The following ANKS1B variants were observed in gnomAD, a reference collection of about 807,000 sequenced individuals.
ANKS1B encodes the protein ankyrin repeat and sterile alpha motif domain-containing protein 1B.
Under a neutral mutation model 148.3 loss-of-function variants are expected in ANKS1B, and 36 were observed. The observed-to-expected ratio is 0.24, with a 90% CI of 0.19 to 0.32. The LOEUF (loss-of-function observed/expected upper bound fraction) is 0.32, where lower values mean the gene tolerates loss of function less well. Ranked by LOEUF, ANKS1B falls within the 10% of genes least tolerant of loss-of-function variation. The pLI, the probability that ANKS1B is intolerant of heterozygous loss-of-function variation, is 1.00. For missense variants in ANKS1B, 1,157 were observed against 1,542.6 expected (o/e 0.75, Z 4.19); for synonymous variants, 542 against 560.8 (o/e 0.97, Z 0.47).
chr12:98,837,833 T>C (rs2099384050), intron 17 of ANKS1B, among the ~76,000 whole-genome samples: 1 of 152,220 alleles, frequency 6.6e-6, no homozygotes, highest in Admixed American at 6.5e-5. Flanking sequence ...AATTTAAACA[T>C]GATGTAAATG....
At chr12:99,251,581 A>G (rs1480728344) in intron 12 of ANKS1B, among the ~76,000 whole-genome samples, 1 of 152,190 alleles carries the variant, frequency 6.6e-6, no homozygotes, top group Non-Finnish European at 1.5e-5. Flanking sequence ...ATAGTTATTC[A>G]AGGCATCATT....
At chr12:99,960,797 C>G (rs1276307808) in intron 1 of ANKS1B, among the ~76,000 whole-genome samples, 1 of 151,976 alleles carries the variant, frequency 6.6e-6, no homozygotes, top group Non-Finnish European at 1.5e-5. Flanking sequence ...AGCCAATAAC[C>G]AGGGAAAAGG....
chr12:99,847,190 C>T (rs1312597008), intron 1 of ANKS1B, among the ~76,000 whole-genome samples: 1 of 151,698 alleles, frequency 6.6e-6, no homozygotes, highest in Non-Finnish European at 1.5e-5. Flanking sequence ...ACTGCATTCT[C>T]AAACTCCTAG....
chr12:98,934,510 A>T (rs2099816654), intron 17 of ANKS1B, among the ~76,000 whole-genome samples: 1 of 152,132 alleles, frequency 6.6e-6, no homozygotes, highest in Admixed American at 6.6e-5. Flanking sequence ...AAAAAATGCC[A>T]TTGGAACTTT....
intron 22 of ANKS1B, among the ~76,000 whole-genome samples, chr12:98,796,512 C>A (rs1019757890): frequency 2.0e-5 from 3 of 152,126 alleles, no homozygotes; most frequent in African/African-American, 7.2e-5. Context: ...AGATCTACAT[C>A]ATTTATAGTT....
chr12:99,317,257 G>A (rs1320512074), intron 12 of ANKS1B, among the ~76,000 whole-genome samples: 1 of 152,166 alleles, frequency 6.6e-6, no homozygotes. Context: ...ATTATCCTGG[G>A]CAGTATGGCC....
intron 17 of ANKS1B, among the ~76,000 whole-genome samples, chr12:98,874,081 T>C (rs2099680635): frequency 6.6e-6 from 1 of 152,146 alleles, no homozygotes; most frequent in African/African-American, 2.4e-5. Flanking sequence ...CTGTCCTCTA[T>C]AAATAATGTA....
At chr12:99,800,550 G>C (rs994515962) in intron 4 of ANKS1B, among the ~76,000 whole-genome samples, 24 of 151,908 alleles carry the variant, frequency 1.6e-4, no homozygotes, top group African/African-American at 5.6e-4. Flanking sequence ...TGAAATTCTG[G>C]ATACAATTTG....
intron 1 of ANKS1B, among the ~76,000 whole-genome samples, chr12:99,891,363 T>C (rs1325862153): frequency 6.6e-6 from 1 of 152,090 alleles, no homozygotes; most frequent in South Asian, 2.1e-4. Context: ...GTGTGTACTA[T>C]ATAGAGGTTG....
chr12:99,315,957 G>A (rs904515751), intron 12 of ANKS1B, among the ~76,000 whole-genome samples: 1 of 152,140 alleles, frequency 6.6e-6, no homozygotes, highest in Non-Finnish European at 1.5e-5. Context: ...TGCTCAGAAT[G>A]ATAGTTTCCA....
intron 9 of ANKS1B, among the ~76,000 whole-genome samples, chr12:98,738,316 G>A (rs1218779136): frequency 6.6e-6 from 1 of 152,194 alleles, no homozygotes; most frequent in East Asian, 1.9e-4. Flanking sequence ...TTATCACATA[G>A]AAATGAATAG....
At chr12:99,698,823 C>A (rs547054941) in intron 8 of ANKS1B, among the ~76,000 whole-genome samples, 2 of 151,986 alleles carry the variant, frequency 1.3e-5, no homozygotes, top group African/African-American at 4.8e-5. Flanking sequence ...AAATTACCAT[C>A]GATTTCTCTC....
chr12:98,899,750 A>C (rs761291230), intron 17 of ANKS1B, among the ~76,000 whole-genome samples: 14 of 152,180 alleles, frequency 9.2e-5, no homozygotes, highest in Non-Finnish European at 1.6e-4. Context: ...CCCAACTAAC[A>C]CACCATGTAA....
chr12:98,998,518 AT>A (rs1365754720), intron 17 of ANKS1B, among the ~76,000 whole-genome samples: 2 of 152,212 alleles, frequency 1.3e-5, no homozygotes, highest in Non-Finnish European at 2.9e-5. Context: ...ATATTTCTTC[AT>A]TTGAAAGCTT....
intron 9 of ANKS1B, among the ~76,000 whole-genome samples, chr12:99,595,903 A>G (rs2097754697): frequency 1.3e-5 from 2 of 151,948 alleles, no homozygotes; most frequent in South Asian, 2.1e-4. Flanking sequence ...TTTTGTAAGT[A>G]TCCAAAAATC....
At chr12:99,962,615 G>A (rs1428985177) in intron 1 of ANKS1B, among the ~76,000 whole-genome samples, 1 of 152,122 alleles carries the variant, frequency 6.6e-6, no homozygotes, top group Non-Finnish European at 1.5e-5. Flanking sequence ...GATCCTTGAG[G>A]AATCACCACA....
rs1172504635 is a variant in ANKS1B, at chr12:98,745,008, T to TTA, written c.*729_*730dup. 29 of 985,696 alleles carry TTA rather than the reference T, an allele frequency of 2.9e-5. No individual in the cohort carries two copies. The African/African-American group carries it at 4.0e-4, about 14-fold the overall frequency. The allele number at this position is 985,696 out of a possible 1,614,324, so 61.1% of individuals were successfully genotyped here. On this transcript the variant is annotated 3_prime_UTR_variant, in exon 27 of 27. Coordinates refer to ENST00000683438, the MANE Select transcript of ANKS1B (RefSeq NM_001352186.2). ...ATCCCTCGCAACTAACCTAGTTTTCTTATCAATGCATTAATGAAACATTCT... is the reference window on the plus strand; with the variant it reads ...ATCCCTCGCAACTAACCTAGTTTTCTTATATCAATGCATTAATGAAACATTCT...
chr12:99,038,608 C>T (rs2099956973), intron 17 of ANKS1B, among the ~76,000 whole-genome samples: 1 of 152,212 alleles, frequency 6.6e-6, no homozygotes, highest in Non-Finnish European at 1.5e-5. Flanking sequence ...GATTACTATG[C>T]AACCCCTCTC....
intron 12 of ANKS1B, among the ~76,000 whole-genome samples, chr12:99,351,353 A>G (rs1371856862): frequency 6.6e-6 from 1 of 151,960 alleles, no homozygotes; most frequent in Non-Finnish European, 1.5e-5. Context: ...TTTAAATTAA[A>G]CTTTTTGGGG....
Sources: gnomAD v4.1 joint callset for allele counts (sites outside exome capture counted in the v4.1 genomes callset) on GRCh38, gnomAD v4.1.1 for gene constraint, MANE v1.5 for transcripts, NCBI Gene and HGNC (gene_info 2026-07-23, HGNC 2026-07-21) for gene names.